PCYT1A: variants seen among roughly 807,000 people sequenced by gnomAD.
PCYT1A encodes phosphate cytidylyltransferase 1A, choline.
In PCYT1A, 25 loss-of-function variants were observed where a neutral mutation model predicts 43.7. That is an observed-to-expected ratio of 0.57 (90% CI 0.42 to 0.80). PCYT1A has a LOEUF of 0.80. Among genes scored for constraint, PCYT1A ranks in the 30% least tolerant of loss-of-function variants. The pLI, the probability that PCYT1A is intolerant of heterozygous loss-of-function variation, is 0.00. For missense variants in PCYT1A, 421 were observed against 474.2 expected (o/e 0.89, Z 1.04); for synonymous variants, 172 against 170.7 (o/e 1.01, Z -0.06).
At chr3:196,265,100 G>A (rs1725228327) in intron 2 of PCYT1A, among the ~76,000 whole-genome samples, 1 of 151,534 alleles carries the variant, frequency 6.6e-6, no homozygotes, top group African/African-American at 2.4e-5. Flanking sequence ...GTCTCGCTTT[G>A]TTGCCCAGGC....
chr3:196,274,816 C>T (rs192211624), intron 1 of PCYT1A, among the ~76,000 whole-genome samples: 1 of 152,268 alleles, frequency 6.6e-6, no homozygotes, highest in African/African-American at 2.4e-5. Flanking sequence ...TCATGGCCAA[C>T]ATGAAAAAAT....
At chr3:196,241,872 A>C (rs1724368524) in intron 7 of PCYT1A, 76 bp downstream of exon 7, 1 of 1,538,866 alleles carries the variant, frequency 6.5e-7, no homozygotes, top group African/African-American at 1.4e-5. Context: ...CTGCAAAGCC[A>C]GTTCAGCTGA....
At chr3:196,269,874 C>G (rs1577371528) in intron 2 of PCYT1A, among the ~76,000 whole-genome samples, 1 of 151,884 alleles carries the variant, frequency 6.6e-6, no homozygotes, top group Non-Finnish European at 1.5e-5. Context: ...TGTTTATTTA[C>G]TTTTTATTTT....
At position 196,273,855 on chromosome 3, in the gene PCYT1A, G is replaced by A. The variant is rs552885511; in HGVS notation, c.-10-3314C>T. Among the ~76,000 whole-genome samples the A allele has an allele frequency of 4.1e-4, 62 of 152,312 alleles. No individual in the cohort carries two copies. The highest frequency in any genetic ancestry group is 1.5e-3 in the African/African-American group (62 of 41,574). On this transcript the variant is annotated intron_variant, in intron 1 of 8. Transcript: ENST00000431016. This position sits in a 1 kb window ranked among gnomAD's most constrained non-coding sequence, Gnocchi z 4.1. ...GCTTCAGGCCATCCCTGGCTTGAAG[G>A]TGGGGCTTCACCAGGGACCCGCCCA...
At chr3:196,279,630 G>A (rs7636149) in intron 1 of PCYT1A, among the ~76,000 whole-genome samples, 57,783 of 151,788 alleles carry the variant, frequency 0.38, 11,691 homozygotes, top group East Asian at 0.81. Flanking sequence ...AGGCACATCA[G>A]CTTTGCTAGA....
At chr3:196,261,744 C>T (rs1375091719) in intron 2 of PCYT1A, among the ~76,000 whole-genome samples, 2 of 150,808 alleles carry the variant, frequency 1.3e-5, no homozygotes, top group African/African-American at 4.9e-5. Flanking sequence ...GAGCCGAGAT[C>T]ACGCCACTGC....
In PCYT1A at chr3:196,242,728, T is replaced by C. The variant is rs979615556; in HGVS notation, c.487-88A>G. The C allele has an allele frequency of 1.0e-5, 9 of 866,790 alleles. No individual in the cohort carries two copies. The highest frequency in any genetic ancestry group is 2.4e-5 in the East Asian group (1 of 41,510). The allele number at this position is 866,790 out of a possible 1,614,324, so 53.7% of individuals were successfully genotyped here. On this transcript the variant is annotated intron_variant, in intron 5 of 8. Coordinates refer to ENST00000431016, the MANE Select transcript of PCYT1A (RefSeq NM_001312673.2). The surrounding 1 kb of genome is among the most constrained non-coding windows in gnomAD (Gnocchi z 4.2). ...GTTCTCAGGCCCAGAAAAAGGACAATAGGCAGAGGCCAGGCCTCAGTGGAC... is the reference window on the plus strand; with the variant it reads ...GTTCTCAGGCCCAGAAAAAGGACAACAGGCAGAGGCCAGGCCTCAGTGGAC...
rs573642093 is a variant in PCYT1A, at chr3:196,238,597, G to A, written c.*91C>T. 12 of 881,896 alleles carry A rather than the reference G, an allele frequency of 1.4e-5. No individual in the cohort carries two copies. The Admixed American group carries it at 2.1e-4, about 15-fold the overall frequency. The allele number at this position is 881,896 out of a possible 1,614,324, so 54.6% of individuals were successfully genotyped here. A position where few individuals can be genotyped will look rare whatever the true frequency, so the allele number is the denominator to read the frequency against. ...GTCTTTCCTTTGTAGCTGTCCTTAG[G>A]TTTAGTGTTGGGGTCACAATTTGGA... On this transcript the variant is annotated 3_prime_UTR_variant, in exon 9 of 9. Transcript: ENST00000431016.
Position 196,242,963 on chromosome 3 carries a change from G to T in PCYT1A, c.487-323C>A, listed in dbSNP as rs1577354687. On this transcript the variant is annotated intron_variant, in intron 5 of 8. Coordinates refer to ENST00000431016, the MANE Select transcript of PCYT1A (RefSeq NM_001312673.2). This position sits in a 1 kb window ranked among gnomAD's most constrained non-coding sequence, Gnocchi z 4.2. ...GGTTTGCTGGTGAACCGGTTAGTGG[G>T]TGGAGCCTAGGAAAGAAGGAAATCT... 3.2e-6 allele frequency: 1 copy of T among 313,044 alleles called. No individual in the cohort carries two copies. Among genetic ancestry groups the T allele is most frequent in the East Asian group, 7.0e-5 (1 of 14,204 alleles). The allele number at this position is 313,044 out of a possible 1,614,324, so 19.4% of individuals were successfully genotyped here.
At chr3:196,274,248 G>A (rs1013354884) in intron 1 of PCYT1A, among the ~76,000 whole-genome samples, 3 of 152,194 alleles carry the variant, frequency 2.0e-5, no homozygotes, top group Admixed American at 6.5e-5. Flanking sequence ...AGGGAAGCCC[G>A]GGTATGTAGC....
rs200203786 is a variant in PCYT1A at position 196,285,892 on chromosome 3, CT to C, written c.-11+1722del. 5.2e-3 allele frequency among the ~76,000 whole-genome samples: 784 copies of C among 152,180 alleles called. 9 individuals are homozygous for C. The highest frequency in any genetic ancestry group is 0.018 in the African/African-American group (738 of 41,524). On this transcript the variant is annotated intron_variant, in intron 1 of 8. Coordinates refer to ENST00000431016, the MANE Select transcript of PCYT1A (RefSeq NM_001312673.2). ...AATAGGCTCTGGAGGTCATATCTGCCTTCCTACTTCCATTTTATTGTTGGCA... is the reference window on the plus strand; with the variant it reads ...AATAGGCTCTGGAGGTCATATCTGCCTCCTACTTCCATTTTATTGTTGGCA...
intron 1 of PCYT1A, among the ~76,000 whole-genome samples, chr3:196,272,400 G>A (rs1444046318): frequency 1.3e-5 from 2 of 152,172 alleles, no homozygotes; most frequent in Non-Finnish European, 2.9e-5. Flanking sequence ...TGGCCAGGCT[G>A]GTCTCGAACA....
At chr3:196,249,313 A>ATTTTT (rs10668425) in intron 3 of PCYT1A, among the ~76,000 whole-genome samples, 5 of 125,798 alleles carry the variant, frequency 4.0e-5, no homozygotes, top group East Asian at 4.8e-4. Context: ...TGCCCAGCTA[A>ATTTTT]TTTTTTTTTT....
At chr3:196,251,984 A>G (rs1463531993) in intron 3 of PCYT1A, among the ~76,000 whole-genome samples, 1 of 152,136 alleles carries the variant, frequency 6.6e-6, no homozygotes, top group Non-Finnish European at 1.5e-5. Flanking sequence ...GTCTCAGATC[A>G]CTGAAACCTC....
Position 196,238,526 on chromosome 3 carries a change from A to T in PCYT1A, c.*162T>A. 1 of 489,242 alleles carries T rather than the reference A, an allele frequency of 2.0e-6. No homozygotes were observed. Among genetic ancestry groups the T allele is most frequent in the South Asian group, 4.5e-5 (1 of 22,018 alleles). 30.3% of individuals were successfully genotyped at this position (489,242 alleles called of 1,614,324 possible). A position where few individuals can be genotyped will look rare whatever the true frequency, so the allele number is the denominator to read the frequency against. ...GTGGGTGAGTGATGTCACTTGCAGG[A>T]CAGGCTGTTTGGGTTCCCCCAGTCC... On this transcript the variant is annotated 3_prime_UTR_variant, in exon 9 of 9. Coordinates refer to ENST00000431016, the MANE Select transcript of PCYT1A (RefSeq NM_001312673.2).
At chr3:196,243,933 T>C (rs1428616845) in intron 5 of PCYT1A, among the ~76,000 whole-genome samples, 7 of 152,348 alleles carry the variant, frequency 4.6e-5, no homozygotes, top group East Asian at 1.9e-4. Flanking sequence ...GTGCTGAGAC[T>C]GCAGCCTCTG....
intron 5 of PCYT1A, among the ~76,000 whole-genome samples, chr3:196,245,950 CAA>C (rs113177220): frequency 1.4e-3 from 147 of 106,248 alleles, no homozygotes; most frequent in East Asian, 2.1e-3. Context: ...AACTCTGTCT[CAA>C]AAAAAAAAAA....
chr3:196,238,529 G>A lies in PCYT1A; in HGVS notation c.*159C>T, dbSNP rs1462581032. 1 of 502,232 alleles carries A rather than the reference G, an allele frequency of 2.0e-6. No individual in the cohort carries two copies. The highest frequency in any genetic ancestry group is 3.5e-6 in the Non-Finnish European group (1 of 284,148). The allele number at this position is 502,232 out of a possible 1,614,324, so 31.1% of individuals were successfully genotyped here. On this transcript the variant is annotated 3_prime_UTR_variant, in exon 9 of 9. Coordinates refer to ENST00000431016, the MANE Select transcript of PCYT1A (RefSeq NM_001312673.2). ...GGTGAGTGATGTCACTTGCAGGACA[G>A]GCTGTTTGGGTTCCCCCAGTCCTAG...
chr3:196,268,730 C>T lies in PCYT1A; in HGVS notation c.117+1685G>A, dbSNP rs1350931761. 1.3e-5 allele frequency among the ~76,000 whole-genome samples: 2 copies of T among 152,090 alleles called. No individual in the cohort carries two copies. The highest frequency in any genetic ancestry group is 2.4e-5 in the African/African-American group (1 of 41,390). ...AAATCACTTGAACCCAAGAGGCAGA[C>T]GTTGCAGTGAACCGGGACCGCACCA... On this transcript the variant is annotated intron_variant, in intron 2 of 8. Coordinates refer to ENST00000431016, the MANE Select transcript of PCYT1A (RefSeq NM_001312673.2). The surrounding 1 kb of genome is among the most constrained non-coding windows in gnomAD (Gnocchi z 4.4).
Sources: allele counts gnomAD v4.1 joint callset (sites outside exome capture counted in the v4.1 genomes callset), GRCh38; gene constraint gnomAD v4.1.1; non-coding constraint Gnocchi (gnomAD v3.1); transcripts MANE v1.5; gene names NCBI Gene and HGNC (gene_info 2026-07-23, HGNC 2026-07-21).